PCDH9: variants seen among roughly 807,000 people sequenced by gnomAD.
The protein encoded by PCDH9 is protocadherin-9.
In PCDH9, 24 loss-of-function variants were observed where a neutral mutation model predicts 70.6. That is an observed-to-expected ratio of 0.34 (90% CI 0.25 to 0.48). PCDH9 has a LOEUF of 0.48. Among genes scored for constraint, PCDH9 ranks in the 20% least tolerant of loss-of-function variants. PCDH9 has a pLI of 0.99. For missense variants in PCDH9, 1,281 were observed against 1,503.6 expected (o/e 0.85, Z 2.45); for synonymous variants, 562 against 558.5 (o/e 1.01, Z -0.09).
At chr13:66,390,732 T>G (rs1441625014) in intron 4 of PCDH9, among the ~76,000 whole-genome samples, 1 of 92,032 alleles carries the variant, frequency 1.1e-5, no homozygotes, top group Non-Finnish European at 2.5e-5. Context: ...TGGAGTCATC[T>G]CAAAAAAAAA....
At chr13:66,595,446 A>G (rs2077091430) in intron 4 of PCDH9, among the ~76,000 whole-genome samples, 1 of 151,776 alleles carries the variant, frequency 6.6e-6, no homozygotes, top group Non-Finnish European at 1.5e-5. Context: ...AAACATGGGT[A>G]TAATGCATTG....
intron 3 of PCDH9, among the ~76,000 whole-genome samples, chr13:66,811,207 C>T (rs938114753): frequency 1.3e-5 from 2 of 152,090 alleles, no homozygotes; most frequent in Non-Finnish European, 2.9e-5. Flanking sequence ...TATTAATTCA[C>T]AGCCTCTTGA....
intron 2 of PCDH9, among the ~76,000 whole-genome samples, chr13:67,152,969 G>T (rs2138391207): frequency 6.6e-6 from 1 of 151,740 alleles, no homozygotes; most frequent in Non-Finnish European, 1.5e-5. Context: ...CCCCGCCCCA[G>T]TGAAGAATTC....
intron 2 of PCDH9, among the ~76,000 whole-genome samples, chr13:67,066,346 G>T (rs995203337): frequency 6.6e-6 from 1 of 151,906 alleles, no homozygotes; most frequent in Non-Finnish European, 1.5e-5. Context: ...CAATTCTCCT[G>T]CCTCAGCCTC....
chr13:66,599,629 C>T (rs1343371426), intron 4 of PCDH9, among the ~76,000 whole-genome samples: 1 of 151,612 alleles, frequency 6.6e-6, no homozygotes, highest in Non-Finnish European at 1.5e-5. Flanking sequence ...TCACTGCAGC[C>T]TTGACCTCCC....
intron 2 of PCDH9, among the ~76,000 whole-genome samples, chr13:66,990,454 T>C (rs1437595369): frequency 1.3e-5 from 2 of 151,256 alleles, no homozygotes; most frequent in Non-Finnish European, 3.0e-5. Context: ...ATAGGTTAGG[T>C]TCTTACATTT....
chr13:66,936,595 C>A (rs1185005481), intron 2 of PCDH9, among the ~76,000 whole-genome samples: 2 of 152,090 alleles, frequency 1.3e-5, no homozygotes, highest in African/African-American at 2.4e-5. Context: ...GAAACAAAAT[C>A]TCTTTACATA....
intron 2 of PCDH9, chr13:67,201,381 A>T (rs1382200005): frequency 6.6e-6 from 1 of 152,040 alleles, no homozygotes; most frequent in African/African-American, 2.4e-5. Flanking sequence ...ATTATAGTGT[A>T]CAAAAGTCCA....
chr13:67,052,565 A>C (rs2139933293), intron 2 of PCDH9, among the ~76,000 whole-genome samples: 1 of 152,232 alleles, frequency 6.6e-6, no homozygotes, highest in Middle Eastern at 3.4e-3. Flanking sequence ...TGAAAAAAAA[A>C]ATCACAACTG....
chr13:67,068,430 G>A lies in PCDH9; in HGVS notation c.3036+156975C>T, dbSNP rs371835137. Among the ~76,000 whole-genome samples, 158 of 152,144 alleles carry A rather than the reference G, an allele frequency of 1.0e-3. 1 individual carries two copies. Among genetic ancestry groups the A allele is most frequent in the African/African-American group, 3.6e-3 (151 of 41,538 alleles). On this transcript the variant is annotated intron_variant, in intron 2 of 4. Transcript: ENST00000377865. ...CTGAAATGTGGTCTCTATCCTCAAG[G>A]AAGAGAAATAGGAGGAAAGAGAACC...
At position 67,227,455 on chromosome 13, in the gene PCDH9, G is replaced by A. The variant is rs2089906272; in HGVS notation, c.986C>T (p.Thr329Ile). The change falls in exon 2 of 5, where the codon ACA becomes ATA. Residue 329 changes from threonine to isoleucine, a missense_variant. Physicochemically the swap from Thr to Ile is moderately conservative, Grantham distance 89. Coordinates refer to ENST00000377865, the MANE Select transcript of PCDH9 (RefSeq NM_203487.3). This position sits in a 1 kb window ranked among gnomAD's most constrained non-coding sequence, Gnocchi z 4.6. ...DREETAIHKV[T>I]VLASDGSSTP... The stretch of plus-strand genomic sequence containing the variant: ...GGAGCTGCCGTCACTAGCCAGCACT[G>A]TCACTTTGTGAATGGCTGTCTCCTC... The A allele has an allele frequency of 6.2e-7, 1 of 1,613,770 alleles. No homozygotes were observed. Among genetic ancestry groups the A allele is most frequent in the Non-Finnish European group, 8.5e-7 (1 of 1,179,830 alleles).
chr13:66,653,352 A>T (rs1200677971), intron 3 of PCDH9, among the ~76,000 whole-genome samples: 2 of 152,194 alleles, frequency 1.3e-5, no homozygotes, highest in Admixed American at 6.5e-5. Context: ...TGGTCAAAAG[A>T]TCTGAATAGA....
chr13:66,815,344 C>T (rs1323988588), intron 3 of PCDH9, among the ~76,000 whole-genome samples: 7 of 152,082 alleles, frequency 4.6e-5, no homozygotes, highest in Non-Finnish European at 7.4e-5. Context: ...TTAGTTCAAC[C>T]ATTGTGGAAA....
intron 3 of PCDH9, among the ~76,000 whole-genome samples, chr13:66,844,529 G>A (rs960603808): frequency 6.6e-6 from 1 of 150,882 alleles, no homozygotes; most frequent in Non-Finnish European, 1.5e-5. Flanking sequence ...AGGTTGCAGT[G>A]AGCCGAGATC....
chr13:67,193,988 C>A (rs1170091193), intron 2 of PCDH9, among the ~76,000 whole-genome samples: 1 of 152,020 alleles, frequency 6.6e-6, no homozygotes, highest in Non-Finnish European at 1.5e-5. Context: ...GAATTGCATA[C>A]CTATAGGTTA....
intron 4 of PCDH9, among the ~76,000 whole-genome samples, chr13:66,414,039 C>T (rs773569728): frequency 6.6e-6 from 1 of 151,430 alleles, no homozygotes; most frequent in Non-Finnish European, 1.5e-5. Context: ...CATTGAAATA[C>T]CTGGAAACTC....
chr13:66,587,659 A>C (rs900484928), intron 4 of PCDH9, among the ~76,000 whole-genome samples: 5 of 152,086 alleles, frequency 3.3e-5, no homozygotes, highest in Non-Finnish European at 5.9e-5. Context: ...CTGAAAATAC[A>C]GTACTCTGTG....
Position 67,228,047 on chromosome 13 carries a change from C to T in PCDH9, c.394G>A (p.Val132Ile), listed in dbSNP as rs1431687271. 1.2e-6 allele frequency: 2 copies of T among 1,613,650 alleles called. No homozygotes were observed. Among genetic ancestry groups the T allele is most frequent in the Admixed American group, 1.7e-5 (1 of 59,936 alleles). Residue 132 changes from valine (V) to isoleucine (I), a missense_variant, in exon 2 of 5, where the codon GTC (valine) becomes ATC (isoleucine). By Grantham distance (29) the Val-to-Ile change is conservative. This residue lies in a region of PCDH9 where 798 missense variants were observed against 1,003.1 expected (regional missense o/e 0.80). Coordinates refer to ENST00000377865, the MANE Select transcript of PCDH9 (RefSeq NM_203487.3). ...GGGGCATTATCATTGGTATCCTTGA[C>T]AATTATTTTTATTTTGATCAGCCTG... is the stretch of plus-strand genomic sequence containing the variant. ...FFRLIKIKII[V>I]KDTNDNAPMF...
intron 2 of PCDH9, among the ~76,000 whole-genome samples, chr13:66,984,909 AC>A (rs201110618): frequency 4.0e-5 from 6 of 151,762 alleles, no homozygotes; most frequent in East Asian, 1.9e-4. Flanking sequence ...ATATGTGTGG[AC>A]CCCCCATCTC....
Sources: gnomAD v4.1 joint callset for allele counts (sites outside exome capture counted in the v4.1 genomes callset) on GRCh38, gnomAD v4.1.1 for gene constraint, gnomAD v4.1.1 regional missense constraint, Gnocchi (gnomAD v3.1) non-coding constraint, MANE v1.5 for transcripts, NCBI Gene and HGNC (gene_info 2026-07-23, HGNC 2026-07-21) for gene names.